The following PPM1A variants were observed in gnomAD, a reference collection of about 807,000 sequenced individuals.
PPM1A encodes the protein protein phosphatase 1A.
Under a neutral mutation model 35.0 loss-of-function variants are expected in PPM1A, and 7 were observed. The observed-to-expected ratio is 0.20, with a 90% CI of 0.11 to 0.38. The LOEUF is 0.38. Among genes scored for constraint, PPM1A ranks in the 10% least tolerant of loss-of-function variants. PPM1A has a pLI of 1.00. For synonymous variants in PPM1A, 153 were observed against 167.3 expected, an observed-to-expected ratio of 0.91 and a Z score of 0.66; for missense variants, 239 against 467.8, an observed-to-expected ratio of 0.51 and a Z score of 4.51.
In PPM1A at chr14:60,282,533, A is replaced by G; in HGVS notation, c.-20-151A>G. Reference sequence around the variant, plus strand: ...GCTTTCCCCCAGTTCCTCCTTGTTAATCTCCAGATTCCAAGTCAGCAACAC... The same window carrying G: ...GCTTTCCCCCAGTTCCTCCTTGTTAGTCTCCAGATTCCAAGTCAGCAACAC... On this transcript the variant is annotated intron_variant, in intron 1 of 5. Transcript: ENST00000395076. This position sits in a 1 kb window ranked among gnomAD's most constrained non-coding sequence, Gnocchi z 5.1. 1.0e-6 allele frequency: 1 copy of G among 1,003,464 alleles called. No homozygotes were observed. The highest frequency in any genetic ancestry group is 1.7e-5 in the South Asian group (1 of 57,926). 62.2% of individuals were successfully genotyped at this position (1,003,464 alleles called of 1,614,324 possible).
chr14:60,284,695 A>G lies in PPM1A; in HGVS notation c.835-929A>G, dbSNP rs531917067. Among the ~76,000 whole-genome samples, 794 of 123,144 alleles carry G rather than the reference A, an allele frequency of 6.4e-3. 16 individuals carry two copies. Among genetic ancestry groups the G allele is most frequent in the African/African-American group, 0.032 (746 of 23,374 alleles). The allele number at this position is 123,144 out of a possible 152,430, so 80.8% of individuals were successfully genotyped here. A position where few individuals can be genotyped will look rare whatever the true frequency, so the allele number is the denominator to read the frequency against. On this transcript the variant is annotated intron_variant, in intron 2 of 5. Transcript: ENST00000395076. ...TTAATGAGCGTATGTATATATATAT[A>G]TATGTGTGTGTGTATATATATATAT...
intron 1 of PPM1A, among the ~76,000 whole-genome samples, chr14:60,255,564 G>C (rs1340475964): frequency 6.6e-6 from 1 of 152,176 alleles, no homozygotes; most frequent in Non-Finnish European, 1.5e-5. Flanking sequence ...TTACACAAAG[G>C]CTAGCGGCTA....
In PPM1A at chr14:60,292,352, T is replaced by C. The variant is rs117312319; in HGVS notation, c.1120-101T>C. On this transcript the variant is annotated intron_variant, in intron 5 of 5. Transcript: ENST00000395076. The surrounding 1 kb of genome is among the most constrained non-coding windows in gnomAD (Gnocchi z 4.2). Reference sequence around the variant, plus strand: ...AAAAACATTTATATTCTAAAAGTCATCTTTACAGAACATTATCTTTCTCCA... The same window carrying C: ...AAAAACATTTATATTCTAAAAGTCACCTTTACAGAACATTATCTTTCTCCA... 5,546 of 844,850 alleles carry C rather than the reference T, an allele frequency of 6.6e-3. 30 individuals carry two copies. Among genetic ancestry groups the C allele is most frequent in the South Asian group, 0.014 (893 of 62,652 alleles). 52.3% of individuals were successfully genotyped at this position (844,850 alleles called of 1,614,324 possible). A position where few individuals can be genotyped will look rare whatever the true frequency, so the allele number is the denominator to read the frequency against.
upstream of PPM1A, chr14:60,245,839 TC>T: frequency 1.9e-6 from 3 of 1,573,460 alleles, no homozygotes; most frequent in Non-Finnish European, 2.6e-6. This position sits in a 1 kb window ranked among gnomAD's most constrained non-coding sequence, Gnocchi z 4.2. Context: ...AGGGGCACTG[TC>T]TGCTCGCATG....
intron 1 of PPM1A, among the ~76,000 whole-genome samples, chr14:60,279,149 G>A (rs752800769): frequency 2.6e-5 from 4 of 152,018 alleles, no homozygotes; most frequent in African/African-American, 4.8e-5. Context: ...ACGTTGTTTC[G>A]CTCTTGCTGC....
intron 3 of PPM1A, 81 bp downstream of exon 3, chr14:60,285,822 G>A (rs1010507762): frequency 7.8e-5 from 122 of 1,556,758 alleles, no homozygotes; most frequent in Non-Finnish European, 1.0e-4. Flanking sequence ...TTAGCTTTTA[G>A]ATTTTTATGT....
At position 60,294,951 on chromosome 14, in the gene PPM1A, TGG is replaced by T. The variant is rs111421763; in HGVS notation, c.*2474_*2475del. 6.6e-6 allele frequency: 1 copy of T among 151,694 alleles called. No homozygotes were observed. The highest frequency in any genetic ancestry group is 1.5e-5 in the Non-Finnish European group (1 of 67,760). The allele number at this position is 151,694 out of a possible 1,614,324, so 9.4% of individuals were successfully genotyped here. On this transcript the variant is annotated 3_prime_UTR_variant, in exon 6 of 6. Transcript: ENST00000395076. ...TGTTCCTGATTCCTGGAGGTAATAG[TGG>T]GGGGAAACCAACCATACTTTTTAAA...
intron 1 of PPM1A, among the ~76,000 whole-genome samples, chr14:60,269,522 CTTTT>C (rs1884828341): frequency 6.6e-6 from 1 of 151,936 alleles, no homozygotes; most frequent in South Asian, 2.1e-4. Flanking sequence ...AGCCTGATTT[CTTTT>C]TTCTTTTTCT....
chr14:60,266,806 T>C (rs150973168), intron 1 of PPM1A, among the ~76,000 whole-genome samples: 1 of 152,158 alleles, frequency 6.6e-6, no homozygotes, highest in Admixed American at 6.6e-5. Context: ...TTTGAAATGA[T>C]TTAATCAAGG....
rs746744917 is a variant in PPM1A, at chr14:60,292,421, C to T, written c.1120-32C>T. On this transcript the variant is annotated intron_variant, in intron 5 of 5. Transcript: ENST00000395076. The surrounding 1 kb of genome is among the most constrained non-coding windows in gnomAD (Gnocchi z 4.2). Reference sequence around the variant, plus strand: ...GTATTTTGGCACCGCTAAATTTTAACGTTGTTCCTTATTTTGCTTCCTTTT... The same window carrying T: ...GTATTTTGGCACCGCTAAATTTTAATGTTGTTCCTTATTTTGCTTCCTTTT... The T allele has an allele frequency of 2.1e-5, 33 of 1,556,482 alleles. No individual in the cohort carries two copies. Among genetic ancestry groups the T allele is most frequent in the Middle Eastern group, 1.7e-4 (1 of 5,960 alleles).
chr14:60,271,447 A>C (rs977821162), intron 1 of PPM1A, among the ~76,000 whole-genome samples: 3 of 152,224 alleles, frequency 2.0e-5, no homozygotes, highest in Non-Finnish European at 2.9e-5. Context: ...TGAGGCAGAC[A>C]TATTAGTCAA....
At chr14:60,246,001 G>C (rs778480575), upstream of PPM1A, 3 of 1,581,422 alleles carry the variant, frequency 1.9e-6, no homozygotes, top group Admixed American at 5.5e-5. Context: ...TGAGAAAAGA[G>C]GAAACCAAAT....
At chr14:60,255,240 C>T (rs943438149) in intron 1 of PPM1A, among the ~76,000 whole-genome samples, 9 of 143,806 alleles carry the variant, frequency 6.3e-5, no homozygotes, top group Non-Finnish European at 7.5e-5. Flanking sequence ...GGCGCGATCT[C>T]GGCTCACTGC....
intron 1 of PPM1A, among the ~76,000 whole-genome samples, chr14:60,268,886 A>G (rs187976229): frequency 2.0e-5 from 3 of 151,198 alleles, no homozygotes; most frequent in Admixed American, 1.3e-4. Flanking sequence ...TTTACACATT[A>G]TCAATATCTA....
rs1886490094 is a variant in PPM1A, at chr14:60,282,279, T to C, written c.-20-405T>C. 6.9e-6 allele frequency among the ~76,000 whole-genome samples: 1 copy of C among 144,944 alleles called. No homozygotes were observed. The highest frequency in any genetic ancestry group is 2.7e-5 in the African/African-American group (1 of 37,114). On this transcript the variant is annotated intron_variant, in intron 1 of 5. Coordinates refer to ENST00000395076, the MANE Select transcript of PPM1A (RefSeq NM_021003.5). This position sits in a 1 kb window ranked among gnomAD's most constrained non-coding sequence, Gnocchi z 5.1. ...TTCCTGAATGTTCAACCAAGATATA[T>C]TTGAGTTAGTAGATTTTTTGGGTAT...
At chr14:60,288,450 A>C in intron 3 of PPM1A, 1 of 984,090 alleles carries the variant, frequency 1.0e-6, no homozygotes, top group Non-Finnish European at 1.2e-6. Flanking sequence ...TTAGGTAAAC[A>C]TCAAATCCCT....
At chr14:60,279,123 G>C (rs114992235) in intron 1 of PPM1A, among the ~76,000 whole-genome samples, 3,747 of 152,194 alleles carry the variant, frequency 0.025, 156 homozygotes, top group African/African-American at 0.085. Context: ...ATTTTGTTCT[G>C]TTTTGTTTTC....
chr14:60,289,783 A>T lies in PPM1A; in HGVS notation c.953-23A>T. On this transcript the variant is annotated intron_variant, in intron 3 of 5. Coordinates refer to ENST00000395076, the MANE Select transcript of PPM1A (RefSeq NM_021003.5). This position sits in a 1 kb window ranked among gnomAD's most constrained non-coding sequence, Gnocchi z 4.1. ...CAATTAAATTTGGATAACACTTACAAAAAAAGTACTTCTGATTCCCAGAAA... is the reference window on the plus strand; with the variant it reads ...CAATTAAATTTGGATAACACTTACATAAAAAGTACTTCTGATTCCCAGAAA... 2 of 1,536,942 alleles carry T rather than the reference A, an allele frequency of 1.3e-6. No homozygotes were observed. Among genetic ancestry groups the T allele is most frequent in the Non-Finnish European group, 1.8e-6 (2 of 1,116,164 alleles).
chr14:60,248,765 T>G (rs942355295), upstream of PPM1A: 1 of 152,470 alleles, frequency 6.6e-6, no homozygotes, highest in Non-Finnish European at 1.5e-5. Context: ...TGCAGGCAGG[T>G]AGAAGAGCCA....
Sources: allele counts gnomAD v4.1 joint callset (sites outside exome capture counted in the v4.1 genomes callset), GRCh38; gene constraint gnomAD v4.1.1; non-coding constraint Gnocchi (gnomAD v3.1); transcripts MANE v1.5; gene names NCBI Gene and HGNC (gene_info 2026-07-23, HGNC 2026-07-21).